NXPE2: variants seen among roughly 807,000 people sequenced by gnomAD.
NXPE2 encodes NXPE family member 2.
A neutral mutation model predicts 34.4 loss-of-function variants in NXPE2; 34 were observed. That is an observed-to-expected ratio of 0.99 (90% CI 0.75 to 1.31). NXPE2 has a LOEUF of 1.31. NXPE2 is among the 40% of genes most tolerant of loss of function. The pLI is 0.00. For synonymous variants in NXPE2, 235 were observed against 231.3 expected (o/e 1.02, Z -0.15); for missense variants, 649 against 672.5 (o/e 0.97, Z 0.39).
chr11:114,747,343 A>G, the NXPE2 span, among the ~76,000 whole-genome samples: 1 of 151,908 alleles, frequency 6.6e-6, no homozygotes, highest in Non-Finnish European at 1.5e-5. Context: ...CAATCACCAC[A>G]GCAGGGAAAC....
At chr11:114,728,060 G>C in the NXPE2 span, among the ~76,000 whole-genome samples, 1 of 151,884 alleles carries the variant, frequency 6.6e-6, no homozygotes, top group Non-Finnish European at 1.5e-5. Context: ...GTATTCCTTG[G>C]CTGTGGCCCC....
chr11:114,699,362 C>T (rs1378947893), intron 3 of NXPE2, among the ~76,000 whole-genome samples: 1 of 152,182 alleles, frequency 6.6e-6, no homozygotes, highest in Non-Finnish European at 1.5e-5. Context: ...CACACTGCAC[C>T]TAGACTAATG....
chr11:114,632,110 A>T, the NXPE2 span, among the ~76,000 whole-genome samples: 4 of 144,762 alleles, frequency 2.8e-5, no homozygotes, highest in Non-Finnish European at 6.0e-5. Context: ...TGTAATATAT[A>T]AATTATATAT....
the NXPE2 span, among the ~76,000 whole-genome samples, chr11:114,493,293 G>T: frequency 6.6e-6 from 1 of 152,074 alleles, no homozygotes; most frequent in South Asian, 2.1e-4. Flanking sequence ...TTTGATTGAA[G>T]AGTTTAGTTC....
At chr11:114,571,335 A>G in the NXPE2 span, 3 of 1,614,036 alleles carry the variant, frequency 1.9e-6, no homozygotes, top group South Asian at 1.1e-5. Flanking sequence ...GAGGTACTCC[A>G]TCTCTTTGAC....
chr11:114,478,195 A>G, the NXPE2 span, among the ~76,000 whole-genome samples: 6 of 152,112 alleles, frequency 3.9e-5, no homozygotes, highest in Non-Finnish European at 7.4e-5. Flanking sequence ...ACCCAAAGGA[A>G]TAATAGTACT....
the NXPE2 span, among the ~76,000 whole-genome samples, chr11:114,539,360 C>T: frequency 6.6e-6 from 1 of 152,056 alleles, no homozygotes; most frequent in Admixed American, 6.6e-5. Flanking sequence ...GTGCAGCACA[C>T]CAACATGGCA....
the NXPE2 span, among the ~76,000 whole-genome samples, chr11:114,601,671 T>A: frequency 2.7e-5 from 1 of 37,056 alleles, no homozygotes. Flanking sequence ...TAATTATATA[T>A]TATAATTATA....
At chr11:114,544,762 A>G in the NXPE2 span, among the ~76,000 whole-genome samples, 1 of 152,186 alleles carries the variant, frequency 6.6e-6, no homozygotes, top group Non-Finnish European at 1.5e-5. Context: ...TGTGAAAGAC[A>G]CTGTTAAGAG....
the NXPE2 span, among the ~76,000 whole-genome samples, chr11:114,622,826 C>T: frequency 1.3e-5 from 2 of 152,020 alleles, no homozygotes; most frequent in Non-Finnish European, 2.9e-5. Flanking sequence ...ACCACTCTTA[C>T]CCAGTGGATA....
chr11:114,688,892 T>C (rs752800810), intron 2 of NXPE2, among the ~76,000 whole-genome samples: 1 of 152,132 alleles, frequency 6.6e-6, no homozygotes, highest in Non-Finnish European at 1.5e-5. Context: ...GAAATATTCA[T>C]AGTAGTCTCT....
chr11:114,500,351 T>C, the NXPE2 span, among the ~76,000 whole-genome samples: 1 of 152,158 alleles, frequency 6.6e-6, no homozygotes, highest in Non-Finnish European at 1.5e-5. Context: ...TTGTATTTGC[T>C]TGATGGATAA....
the NXPE2 span, among the ~76,000 whole-genome samples, chr11:114,618,553 T>C: frequency 1.5e-4 from 23 of 152,162 alleles, no homozygotes; most frequent in South Asian, 4.6e-3. Context: ...TGATCACTGT[T>C]ACCCAGTGGA....
At position 114,705,971 on chromosome 11, in the gene NXPE2, T is replaced by G. The variant is rs772563620; in HGVS notation, c.1119T>G (p.Ile373Met). 90 of 1,431,290 alleles carry G rather than the reference T, an allele frequency of 6.3e-5. 1 individual carries two copies. The highest frequency in any genetic ancestry group is 2.7e-5 in the Non-Finnish European group (29 of 1,088,746). 88.7% of individuals were successfully genotyped at this position (1,431,290 alleles called of 1,614,324 possible). The change falls in exon 5 of 6, where the codon ATT becomes ATG. Residue 373 changes from isoleucine to methionine, a missense_variant. Transcript: ENST00000389586. ...GAGATTCAACACTGCATCAGTGGAT[T>G]TACTACTTACAAAAAGCTGTGAAAA... ...LMGDSTLHQW[I>M]YYLQKAVKTL...
At chr11:114,480,755 A>G in the NXPE2 span, among the ~76,000 whole-genome samples, 1 of 152,202 alleles carries the variant, frequency 6.6e-6, no homozygotes, top group Non-Finnish European at 1.5e-5. Context: ...AAATACCTTT[A>G]TGGGCCTGAA....
chr11:114,788,375 G>C, the NXPE2 span, among the ~76,000 whole-genome samples: 1 of 152,168 alleles, frequency 6.6e-6, no homozygotes, highest in African/African-American at 2.4e-5. Context: ...GGCTGGACAT[G>C]GGCCTGGGAC....
At chr11:114,717,615 G>T in the NXPE2 span, among the ~76,000 whole-genome samples, 1 of 152,148 alleles carries the variant, frequency 6.6e-6, no homozygotes, top group African/African-American at 2.4e-5. Flanking sequence ...TTACATTTGC[G>T]AACCTAAGAT....
At chr11:114,571,393 G>T in the NXPE2 span, 1 of 1,613,882 alleles carries the variant, frequency 6.2e-7, no homozygotes, top group Non-Finnish European at 8.5e-7. Context: ...TTTTGCCACT[G>T]GATGTTGATG....
chr11:114,487,053 T>C, the NXPE2 span, among the ~76,000 whole-genome samples: 6 of 152,130 alleles, frequency 3.9e-5, no homozygotes, highest in Admixed American at 3.3e-4. Context: ...GGTATTTTGA[T>C]AGAAATTGCA....
Sources: allele counts gnomAD v4.1 joint callset (sites outside exome capture counted in the v4.1 genomes callset), GRCh38; gene constraint gnomAD v4.1.1; transcripts MANE v1.5; gene names NCBI Gene and HGNC (gene_info 2026-07-23, HGNC 2026-07-21).